The following ITPRID1 variants were observed in gnomAD, a reference collection of about 807,000 sequenced individuals.
The protein encoded by ITPRID1 is protein ITPRID1.
Under a neutral mutation model 95.4 loss-of-function variants are expected in ITPRID1, and 96 were observed. The observed-to-expected ratio is 1.01, with a 90% CI of 0.85 to 1.19. The LOEUF is 1.19. Among genes scored for constraint, ITPRID1 ranks in the 50% most tolerant of loss-of-function variants. The pLI, the probability that ITPRID1 is intolerant of heterozygous loss-of-function variation, is 0.00. For synonymous variants in ITPRID1, 510 were observed against 453.6 expected, an observed-to-expected ratio of 1.12 and a Z score of -1.58; for missense variants, 1,339 against 1,252.9, an observed-to-expected ratio of 1.07 and a Z score of -1.04.
At chr7:31,536,425 A>T (rs1783760088) in intron 1 of ITPRID1, among the ~76,000 whole-genome samples, 1 of 152,120 alleles carries the variant, frequency 6.6e-6, no homozygotes, top group Non-Finnish European at 1.5e-5. Flanking sequence ...CTTATTTTAA[A>T]GTCCCTGTCT....
At chr7:31,514,613 G>T (rs1463753827) in intron 1 of ITPRID1, among the ~76,000 whole-genome samples, 1 of 152,164 alleles carries the variant, frequency 6.6e-6, no homozygotes, top group Non-Finnish European at 1.5e-5. Context: ...GCACGGTGTT[G>T]CTCCATTTCT....
intron 5 of ITPRID1, among the ~76,000 whole-genome samples, chr7:31,565,793 G>C (rs962760896): frequency 1.3e-5 from 2 of 152,022 alleles, no homozygotes; most frequent in African/African-American, 4.8e-5. Flanking sequence ...TGTACATCTA[G>C]GAGGGTGAGA....
intron 10 of ITPRID1, among the ~76,000 whole-genome samples, chr7:31,605,146 A>AG (rs1786561308): frequency 1.3e-5 from 2 of 151,600 alleles, no homozygotes; most frequent in Non-Finnish European, 1.5e-5. Flanking sequence ...TCAAAAAAAA[A>AG]AAGAGAAAAT....
intron 11 of ITPRID1, 79 bp from the exon 12 acceptor site, chr7:31,642,603 C>A: frequency 7.7e-7 from 1 of 1,306,770 alleles, no homozygotes; most frequent in Non-Finnish European, 1.0e-6. Flanking sequence ...AAGGCAATGA[C>A]AAGAAGAAAA....
intron 10 of ITPRID1, among the ~76,000 whole-genome samples, chr7:31,599,645 CT>C (rs545360650): frequency 0.24 from 10,349 of 43,434 alleles, 668 homozygotes; most frequent in Non-Finnish European, 0.26. Flanking sequence ...TTCTTTCTTT[CT>C]TTTTCTTTCT....
intron 10 of ITPRID1, among the ~76,000 whole-genome samples, chr7:31,592,570 G>T (rs955426580): frequency 3.3e-5 from 5 of 152,172 alleles, no homozygotes; most frequent in African/African-American, 9.7e-5. Context: ...GTGGTTTCAT[G>T]ATGAAACTAA....
intron 10 of ITPRID1, among the ~76,000 whole-genome samples, chr7:31,608,473 T>C (rs1341174340): frequency 2.6e-5 from 4 of 151,882 alleles, no homozygotes; most frequent in Non-Finnish European, 4.4e-5. Flanking sequence ...TTAACAACAT[T>C]AAGTCTTCTG....
chr7:31,655,376 T>C lies in ITPRID1; in HGVS notation c.*2547T>C, dbSNP rs1414629973. 1.3e-5 allele frequency among the ~76,000 whole-genome samples: 2 copies of C among 152,142 alleles called. No homozygotes were observed. Among genetic ancestry groups the C allele is most frequent in the African/African-American group, 4.8e-5 (2 of 41,438 alleles). On this transcript the variant is annotated 3_prime_UTR_variant, in exon 15 of 15. Coordinates refer to ENST00000615280, the MANE Select transcript of ITPRID1 (RefSeq NM_001257967.3). ...TCCCAGAAGTTTCCTCAGAACGAAT[T>C]ACCTGGCGACAGTGCAACATAGGTG...
chr7:31,640,844 C>T (rs1789954857), intron 10 of ITPRID1, among the ~76,000 whole-genome samples: 1 of 152,110 alleles, frequency 6.6e-6, no homozygotes, highest in Non-Finnish European at 1.5e-5. Flanking sequence ...CAAAATTTTG[C>T]TCAAAGTTTC....
At chr7:31,616,348 G>T (rs1178281519) in intron 10 of ITPRID1, among the ~76,000 whole-genome samples, 2 of 151,930 alleles carry the variant, frequency 1.3e-5, no homozygotes, top group African/African-American at 4.8e-5. Flanking sequence ...GGGTCCTATT[G>T]ATTTCAATAA....
At chr7:31,584,097 A>G (rs1172252156) in intron 10 of ITPRID1, among the ~76,000 whole-genome samples, 1 of 152,158 alleles carries the variant, frequency 6.6e-6, no homozygotes, top group Non-Finnish European at 1.5e-5. Context: ...TCCCCCATTC[A>G]GTTGTCACTG....
rs759176639 is a variant in ITPRID1, at chr7:31,552,102, C to T, written c.-23-900C>T. On this transcript the variant is annotated intron_variant, in intron 2 of 14. Coordinates refer to ENST00000615280, the MANE Select transcript of ITPRID1 (RefSeq NM_001257967.3). ...GGAGACCGAACAATTTCTTTTGCTG[C>T]GCTAAGCTGCTGTGTCCTGCTCTTA... Among the ~76,000 whole-genome samples the T allele has an allele frequency of 6.3e-4, 90 of 143,262 alleles. 11 individuals are homozygous for T. Among genetic ancestry groups the T allele is most frequent in the Admixed American group, 1.2e-3 (17 of 14,232 alleles). The allele number at this position is 143,262 out of a possible 152,430, so 94.0% of individuals were successfully genotyped here.
downstream of ITPRID1, chr7:31,658,592 C>T (rs888100075): frequency 5.7e-5 from 19 of 331,748 alleles, no homozygotes; most frequent in Non-Finnish European, 9.1e-5. Flanking sequence ...TCATGATGTG[C>T]GAGAATTGTA....
At chr7:31,615,759 T>A (rs1358357755) in intron 10 of ITPRID1, among the ~76,000 whole-genome samples, 35 of 151,338 alleles carry the variant, frequency 2.3e-4, no homozygotes, top group Admixed American at 2.2e-3. Flanking sequence ...ATTCTTTTTT[T>A]TTTTTTTTTT....
chr7:31,633,176 C>T (rs866997919), intron 10 of ITPRID1, among the ~76,000 whole-genome samples: 6 of 151,738 alleles, frequency 4.0e-5, no homozygotes, highest in South Asian at 4.2e-4. Flanking sequence ...TGAGCTACCG[C>T]GACCGGCCAG....
chr7:31,548,795 G>C (rs1784186175), intron 1 of ITPRID1, among the ~76,000 whole-genome samples: 1 of 152,032 alleles, frequency 6.6e-6, no homozygotes. Flanking sequence ...GAGGTTTGTG[G>C]TAATCATTTT....
chr7:31,548,703 G>C (rs919603019), intron 1 of ITPRID1, among the ~76,000 whole-genome samples: 1 of 152,158 alleles, frequency 6.6e-6, no homozygotes, highest in Non-Finnish European at 1.5e-5. Flanking sequence ...TCATCCAGGG[G>C]AAGAAGGATG....
intron 9 of ITPRID1, among the ~76,000 whole-genome samples, chr7:31,582,619 T>G (rs1785444942): frequency 6.6e-6 from 1 of 152,168 alleles, no homozygotes; most frequent in African/African-American, 2.4e-5. Context: ...TTAGAAGTAA[T>G]ATGCATTATT....
chr7:31,623,690 G>C (rs1373770338), intron 10 of ITPRID1, among the ~76,000 whole-genome samples: 1 of 120,340 alleles, frequency 8.3e-6, no homozygotes, highest in African/African-American at 2.9e-5. Flanking sequence ...TTTGAAAACT[G>C]GCACAAGACA....
Sources: gnomAD v4.1 joint callset for allele counts (sites outside exome capture counted in the v4.1 genomes callset) on GRCh38, gnomAD v4.1.1 for gene constraint, MANE v1.5 for transcripts, NCBI Gene and HGNC (gene_info 2026-07-23, HGNC 2026-07-21) for gene names.